The following ADORA2B variants were observed in gnomAD, a reference collection of about 807,000 sequenced individuals.
The protein encoded by ADORA2B is adenosine A2b receptor, also known as adenosine receptor A2b.
A neutral mutation model predicts 20.8 loss-of-function variants in ADORA2B; 18 were observed. The ratio of observed to expected loss-of-function variants is 0.87; its 90% CI spans 0.60 to 1.29. ADORA2B has a LOEUF of 1.29. Ranked by LOEUF, ADORA2B falls within the 50% of genes most tolerant of loss-of-function variation. The pLI is 0.00. For synonymous variants in ADORA2B, 179 were observed against 178.3 expected (o/e 1.00, Z -0.03); for missense variants, 441 against 422.7 (o/e 1.04, Z -0.38).
the ADORA2B span, among the ~76,000 whole-genome samples, chr17:15,890,455 C>T: frequency 2.6e-5 from 2 of 75,914 alleles, 1 homozygote; most frequent in South Asian, 6.8e-4. Flanking sequence ...TTTCTCATTC[C>T]TTTCTTTTAT....
the ADORA2B span, among the ~76,000 whole-genome samples, chr17:15,933,723 G>A: frequency 3.3e-5 from 5 of 151,904 alleles, no homozygotes; most frequent in African/African-American, 7.3e-5. Flanking sequence ...GGATCTCTTA[G>A]GGTTTTCTAT....
At chr17:15,944,312 G>A (rs548493023), upstream of ADORA2B, among the ~76,000 whole-genome samples, 1 of 152,280 alleles carries the variant, frequency 6.6e-6, no homozygotes, top group East Asian at 1.9e-4. The surrounding 1 kb of genome is among the most constrained non-coding windows in gnomAD (Gnocchi z 4.8). Flanking sequence ...CCCTCAGGAG[G>A]CTGTTAGGGC....
intron 1 of ADORA2B, among the ~76,000 whole-genome samples, chr17:15,972,915 G>A (rs950708626): frequency 4.6e-5 from 7 of 152,024 alleles, no homozygotes; most frequent in African/African-American, 1.5e-4. Flanking sequence ...ATACACCACC[G>A]TGCCCGGCTA....
the ADORA2B span, among the ~76,000 whole-genome samples, chr17:15,912,643 A>T: frequency 6.6e-6 from 1 of 152,208 alleles, no homozygotes; most frequent in Non-Finnish European, 1.5e-5. Context: ...TTTGCCCAAC[A>T]TCTGATCACC....
At chr17:15,863,888 CTG>C in the ADORA2B span, among the ~76,000 whole-genome samples, 1 of 152,230 alleles carries the variant, frequency 6.6e-6, no homozygotes, top group Non-Finnish European at 1.5e-5. Flanking sequence ...TTATTTCACA[CTG>C]TGAGACATCA....
chr17:15,941,728 CAAAA>C (rs750541311), upstream of ADORA2B, among the ~76,000 whole-genome samples: 14 of 87,312 alleles, frequency 1.6e-4, no homozygotes, highest in African/African-American at 3.6e-4. Flanking sequence ...ACTCTTGTTT[CAAAA>C]AAAAAAAAAA....
chr17:15,899,550 G>C, the ADORA2B span, among the ~76,000 whole-genome samples: 2 of 152,164 alleles, frequency 1.3e-5, no homozygotes, highest in Non-Finnish European at 2.9e-5. Flanking sequence ...TCTTACCCAG[G>C]TAGTGAGTAT....
At chr17:15,872,881 C>T in the ADORA2B span, among the ~76,000 whole-genome samples, 11 of 152,142 alleles carry the variant, frequency 7.2e-5, no homozygotes, top group Non-Finnish European at 1.5e-4. Context: ...TTTTCCAATC[C>T]GGATACCCTT....
At chr17:15,940,213 G>T (rs564359032), upstream of ADORA2B, among the ~76,000 whole-genome samples, 2 of 152,214 alleles carry the variant, frequency 1.3e-5, no homozygotes, top group South Asian at 4.1e-4. Flanking sequence ...GGGAACATGC[G>T]ATTTGTGTGT....
the ADORA2B span, among the ~76,000 whole-genome samples, chr17:15,917,082 G>A: frequency 6.6e-6 from 1 of 152,216 alleles, no homozygotes; most frequent in Non-Finnish European, 1.5e-5. Context: ...GGACAACATG[G>A]GAGGATGGCT....
chr17:15,851,835 T>C, the ADORA2B span, among the ~76,000 whole-genome samples: 1 of 152,228 alleles, frequency 6.6e-6, no homozygotes, highest in Non-Finnish European at 1.5e-5. Flanking sequence ...GTATTTGACC[T>C]GTCCTGGCAC....
chr17:15,926,735 C>T, the ADORA2B span, among the ~76,000 whole-genome samples: 1 of 152,074 alleles, frequency 6.6e-6, no homozygotes, highest in Admixed American at 6.5e-5. Flanking sequence ...TGTTGGGAGG[C>T]CGAGGTGGGA....
At chr17:15,949,005 C>G (rs1290579174) in intron 1 of ADORA2B, among the ~76,000 whole-genome samples, 2 of 149,900 alleles carry the variant, frequency 1.3e-5, no homozygotes, top group Non-Finnish European at 3.0e-5. Flanking sequence ...GTCAGGAGCT[C>G]GAGACCAGCT....
the ADORA2B span, among the ~76,000 whole-genome samples, chr17:15,914,917 C>A: frequency 2.6e-5 from 4 of 152,232 alleles, no homozygotes; most frequent in Non-Finnish European, 4.4e-5. Context: ...TTTGGGGCAA[C>A]CCTCATTTCG....
intron 1 of ADORA2B, among the ~76,000 whole-genome samples, chr17:15,956,624 T>C (rs1483980789): frequency 6.7e-6 from 1 of 150,088 alleles, no homozygotes; most frequent in Non-Finnish European, 1.5e-5. Context: ...TGAGACAGTT[T>C]TGCTCTTACT....
the ADORA2B span, among the ~76,000 whole-genome samples, chr17:15,917,945 T>G: frequency 2.0e-5 from 3 of 152,216 alleles, no homozygotes; most frequent in Non-Finnish European, 2.9e-5. Flanking sequence ...CTCTCGAGCC[T>G]GCACTGGGCC....
chr17:15,949,503 ACT>A (rs961506787), intron 1 of ADORA2B, among the ~76,000 whole-genome samples: 26 of 152,214 alleles, frequency 1.7e-4, no homozygotes, highest in African/African-American at 6.3e-4. Flanking sequence ...ACAGAGTGAG[ACT>A]GTGTCTCACA....
the ADORA2B span, among the ~76,000 whole-genome samples, chr17:15,857,742 A>C: frequency 9.4e-3 from 1,430 of 151,964 alleles, 21 homozygotes; most frequent in African/African-American, 0.033. Flanking sequence ...AGGAGCATTT[A>C]TTCAATGCCT....
At chr17:15,914,748 G>A in the ADORA2B span, among the ~76,000 whole-genome samples, 15 of 152,208 alleles carry the variant, frequency 9.9e-5, no homozygotes, top group Admixed American at 2.0e-4. Flanking sequence ...AATGCTCAGC[G>A]CATCCCTGGA....
Sources: allele counts gnomAD v4.1 joint callset (sites outside exome capture counted in the v4.1 genomes callset), GRCh38; gene constraint gnomAD v4.1.1; non-coding constraint Gnocchi (gnomAD v3.1); transcripts MANE v1.5; gene names NCBI Gene and HGNC (gene_info 2026-07-23, HGNC 2026-07-21).